Variants in DPF3 observed in about 807,000 individuals in gnomAD.
The protein encoded by DPF3 is double PHD fingers 3.
Under a neutral mutation model 56.8 loss-of-function variants are expected in DPF3, and 18 were observed. That is an observed-to-expected ratio of 0.32 (90% CI 0.22 to 0.47). DPF3 has a LOEUF of 0.47. Ranked by LOEUF, DPF3 falls within the 20% of genes least tolerant of loss-of-function variation. The pLI is 1.00. For synonymous variants in DPF3, 188 were observed against 180.2 expected (o/e 1.04, Z -0.35); for missense variants, 403 against 488.8 (o/e 0.82, Z 1.65).
chr14:72,824,980 C>G (rs528642026), intron 1 of DPF3, among the ~76,000 whole-genome samples: 3 of 152,154 alleles, frequency 2.0e-5, no homozygotes, highest in South Asian at 2.1e-4. Flanking sequence ...CTCCACCTCC[C>G]GGATTCAAGC....
intron 1 of DPF3, chr14:72,880,085 G>A: frequency 1.2e-6 from 1 of 853,874 alleles, no homozygotes; most frequent in Non-Finnish European, 1.7e-6. Context: ...TAAGTTTTCA[G>A]AACTAGCAGA....
chr14:72,847,858 C>A (rs1884822628), intron 1 of DPF3, among the ~76,000 whole-genome samples: 1 of 152,274 alleles, frequency 6.6e-6, no homozygotes, highest in East Asian at 1.9e-4. Context: ...TGAGTTTCAC[C>A]CAAGCCTATG....
intron 1 of DPF3, among the ~76,000 whole-genome samples, chr14:72,814,176 AGGCAAT>A (rs1883184146): frequency 6.6e-6 from 1 of 152,114 alleles, no homozygotes; most frequent in East Asian, 1.9e-4. Flanking sequence ...CCCCAGAGTG[AGGCAAT>A]GGTGCAGCCC....
At chr14:72,662,422 C>A (rs1372620535) in intron 8 of DPF3, 1 of 984,610 alleles carries the variant, frequency 1.0e-6, no homozygotes, top group Non-Finnish European at 1.2e-6. Context: ...CATGTCAGCA[C>A]TTTTTTCCTT....
rs567718328 is a variant in DPF3 at position 72,679,337 on chromosome 14, T to G, written c.743-4969A>C. 9 of 152,540 alleles carry G rather than the reference T, an allele frequency of 5.9e-5. No homozygotes were observed. The East Asian group carries it at 1.7e-3, about 29-fold the overall frequency. The allele number at this position is 152,540 out of a possible 1,614,324, so 9.4% of individuals were successfully genotyped here. A position where few individuals can be genotyped will look rare whatever the true frequency, so the allele number is the denominator to read the frequency against. ...GAAACTGGCCAGAAGTTCAGGCTCC[T>G]CCTTGGCACGTGCACAAAAGCATGG... On this transcript the variant is annotated intron_variant, in intron 7 of 10. Coordinates refer to ENST00000556509, the MANE Select transcript of DPF3 (RefSeq NM_001280542.3).
At chr14:72,827,488 C>CTT (rs1182260007) in intron 1 of DPF3, among the ~76,000 whole-genome samples, 1,358 of 78,276 alleles carry the variant, frequency 0.017, 264 homozygotes, top group African/African-American at 0.064. Flanking sequence ...TCCCTTTACT[C>CTT]TTTTTTTTTT....
In DPF3 at chr14:72,808,395, C is replaced by T. The variant is rs544087863; in HGVS notation, c.33-36502G>A. Among the ~76,000 whole-genome samples the T allele has an allele frequency of 6.6e-5, 10 of 152,258 alleles. No homozygotes were observed. The East Asian group carries it at 7.7e-4, about 12-fold the overall frequency. On this transcript the variant is annotated intron_variant, in intron 1 of 10. Coordinates refer to ENST00000556509, the MANE Select transcript of DPF3 (RefSeq NM_001280542.3). ...ACATTTTAAAACAAGCAGGACATTT[C>T]GAACTCAAATAGTAAGAGTCACTTT...
At chr14:72,684,135 C>T (rs1005773256) in intron 7 of DPF3, among the ~76,000 whole-genome samples, 3 of 152,188 alleles carry the variant, frequency 2.0e-5, no homozygotes, top group Admixed American at 2.0e-4. Flanking sequence ...CAACCTCAAC[C>T]TCCTGGCTTC....
intron 8 of DPF3, among the ~76,000 whole-genome samples, chr14:72,647,369 A>C (rs1377734303): frequency 6.6e-6 from 1 of 152,178 alleles, no homozygotes; most frequent in Non-Finnish European, 1.5e-5. Context: ...ATCAATCCAT[A>C]CTGGCCTGTA....
intron 1 of DPF3, among the ~76,000 whole-genome samples, chr14:72,881,002 T>C (rs1835759007): frequency 6.6e-6 from 1 of 152,202 alleles, no homozygotes; most frequent in African/African-American, 2.4e-5. Flanking sequence ...ATTGTACCTA[T>C]GGTTACTCTT....
At chr14:72,838,477 G>C (rs1345422693) in intron 1 of DPF3, among the ~76,000 whole-genome samples, 2 of 152,166 alleles carry the variant, frequency 1.3e-5, no homozygotes, top group African/African-American at 4.8e-5. Context: ...CTGGGCAACA[G>C]AGTGAGACCC....
At chr14:72,630,520 T>C (rs542734583) in intron 8 of DPF3, among the ~76,000 whole-genome samples, 2 of 152,318 alleles carry the variant, frequency 1.3e-5, no homozygotes, top group Admixed American at 6.5e-5. Context: ...CCGTGAGCCA[T>C]GCCCAAGACT....
chr14:72,869,164 T>C (rs1312584773), intron 1 of DPF3, among the ~76,000 whole-genome samples: 1 of 152,196 alleles, frequency 6.6e-6, no homozygotes, highest in East Asian at 1.9e-4. Flanking sequence ...TGTTTCCTCT[T>C]CAAGGAAATT....
chr14:72,892,521 A>G (rs897917151), intron 1 of DPF3: 35 of 1,389,764 alleles, frequency 2.5e-5, no homozygotes, highest in Non-Finnish European at 3.2e-5. Context: ...CCTATTTCTG[A>G]TGGGCGACGA....
intron 1 of DPF3, among the ~76,000 whole-genome samples, chr14:72,838,251 T>C (rs1214608566): frequency 6.6e-6 from 1 of 152,178 alleles, no homozygotes; most frequent in African/African-American, 2.4e-5. Context: ...TCCAGCACTC[T>C]GGGAGGCCGA....
At chr14:72,797,364 G>T (rs774881788) in intron 1 of DPF3, among the ~76,000 whole-genome samples, 72 of 152,228 alleles carry the variant, frequency 4.7e-4, no homozygotes, top group Admixed American at 4.6e-3. Context: ...ATAAATGGTT[G>T]CTATTTGAAG....
At chr14:72,664,546 A>C (rs1886365555) in intron 8 of DPF3, among the ~76,000 whole-genome samples, 2 of 151,616 alleles carry the variant, frequency 1.3e-5, no homozygotes, top group Admixed American at 1.3e-4. Context: ...CTACCCCTCC[A>C]CACACATGGT....
In DPF3 at chr14:72,676,408, A is replaced by C. The variant is rs372454792; in HGVS notation, c.743-2040T>G. Among the ~76,000 whole-genome samples the C allele has an allele frequency of 5.3e-5, 8 of 152,294 alleles. No homozygotes were observed. The East Asian group carries it at 5.8e-4, about 11-fold the overall frequency. ...CATTCACAAGATCTTTAAGCAACTA[A>C]AGAATCTGATTTTCTCCAACACACT... On this transcript the variant is annotated intron_variant, in intron 7 of 10. Coordinates refer to ENST00000556509, the MANE Select transcript of DPF3 (RefSeq NM_001280542.3).
chr14:72,812,313 T>C (rs1160708403), intron 1 of DPF3, among the ~76,000 whole-genome samples: 2 of 151,982 alleles, frequency 1.3e-5, no homozygotes, highest in African/African-American at 4.8e-5. Context: ...GTTGTCAAAA[T>C]AGCGAGGAGC....
Sources: allele counts gnomAD v4.1 joint callset (sites outside exome capture counted in the v4.1 genomes callset), GRCh38; gene constraint gnomAD v4.1.1; transcripts MANE v1.5; gene names NCBI Gene and HGNC (gene_info 2026-07-23, HGNC 2026-07-21).